Variants in GRM8 observed in about 807,000 individuals in gnomAD.
GRM8 encodes glutamate metabotropic receptor 8.
GRM8 carries 47 observed loss-of-function variants against 87.2 expected under a neutral mutation model. That is an observed-to-expected ratio of 0.54 (90% confidence interval 0.43 to 0.69). GRM8 has a LOEUF of 0.69. GRM8 is among the 30% of genes least tolerant of loss of function. GRM8 has a pLI of 0.00. For synonymous variants in GRM8, 396 were observed against 404.5 expected (o/e 0.98, Z 0.25); for missense variants, 1,019 against 1,139.2 (o/e 0.89, Z 1.52).
intron 9 of GRM8, among the ~76,000 whole-genome samples, chr7:126,466,571 T>C (rs558570048): frequency 6.6e-6 from 1 of 151,846 alleles, no homozygotes; most frequent in South Asian, 2.1e-4. Context: ...GGCTGGGGAA[T>C]CAGAAAAGCC....
intron 8 of GRM8, among the ~76,000 whole-genome samples, chr7:126,562,879 A>G (rs867725499): frequency 2.0e-5 from 3 of 152,246 alleles, no homozygotes; most frequent in Non-Finnish European, 4.4e-5. Flanking sequence ...CCTGGGCAAC[A>G]AGAGCAAAAC....
At chr7:127,136,349 A>G (rs1035247692) in intron 2 of GRM8, among the ~76,000 whole-genome samples, 4 of 152,124 alleles carry the variant, frequency 2.6e-5, no homozygotes, top group Non-Finnish European at 4.4e-5. Context: ...CCTAATAGCC[A>G]GAAGCATCAC....
At position 126,447,706 on chromosome 7, in the gene GRM8, A is replaced by T. The variant is rs537350928; in HGVS notation, c.2431-1334T>A. ...TTTCCTAGAGGAGAAGGTTTCTCTT[A>T]ACAGATGGCAAAACCTTGCGGTAAA... is the stretch of plus-strand genomic sequence containing the variant. On this transcript the variant is annotated intron_variant, in intron 9 of 10. Transcript: ENST00000339582. Among the ~76,000 whole-genome samples the T allele has an allele frequency of 1.8e-4, 27 of 152,108 alleles. No individual in the cohort carries two copies. In the South Asian group the frequency reaches 5.2e-3, roughly 29 times the overall value.
intron 7 of GRM8, among the ~76,000 whole-genome samples, chr7:126,613,468 G>A (rs571348211): frequency 6.6e-6 from 1 of 152,324 alleles, no homozygotes; most frequent in Non-Finnish European, 1.5e-5. Flanking sequence ...GAAGACGGGT[G>A]ATTTCTGCAT....
intron 9 of GRM8, among the ~76,000 whole-genome samples, chr7:126,467,851 C>T (rs558541622): frequency 1.3e-5 from 2 of 151,838 alleles, no homozygotes; most frequent in African/African-American, 2.4e-5. Flanking sequence ...AGAATGAGGT[C>T]AATATATTTG....
At chr7:126,463,003 C>T (rs556738612) in intron 9 of GRM8, among the ~76,000 whole-genome samples, 3 of 151,640 alleles carry the variant, frequency 2.0e-5, no homozygotes, top group South Asian at 4.2e-4. Flanking sequence ...GGCCAGTCAT[C>T]GACTGTTCTG....
intron 2 of GRM8, among the ~76,000 whole-genome samples, chr7:127,115,976 G>C (rs1826675547): frequency 6.6e-6 from 1 of 152,098 alleles, no homozygotes; most frequent in Non-Finnish European, 1.5e-5. Flanking sequence ...AAATTTGCCA[G>C]GCATGGTGGT....
chr7:126,757,071 A>C (rs1159899439), intron 7 of GRM8, among the ~76,000 whole-genome samples: 3 of 152,178 alleles, frequency 2.0e-5, no homozygotes, highest in African/African-American at 7.2e-5. Context: ...TTTAAAAATT[A>C]AATATTGAAT....
chr7:126,909,751 A>G (rs572288928), intron 3 of GRM8, among the ~76,000 whole-genome samples: 12 of 152,258 alleles, frequency 7.9e-5, no homozygotes, highest in Admixed American at 4.6e-4. Flanking sequence ...CATTTACTCA[A>G]TGACACCATC....
intron 3 of GRM8, among the ~76,000 whole-genome samples, chr7:126,945,729 A>G (rs558285100): frequency 6.6e-6 from 1 of 152,380 alleles, no homozygotes; most frequent in South Asian, 2.1e-4. Context: ...GATAAGGGAT[A>G]TACAACCTAT....
At chr7:126,994,358 G>T (rs1471890113) in intron 3 of GRM8, among the ~76,000 whole-genome samples, 1 of 152,204 alleles carries the variant, frequency 6.6e-6, no homozygotes, top group Non-Finnish European at 1.5e-5. Flanking sequence ...TATACCACTG[G>T]CCTTGGGTAA....
At chr7:127,230,075 G>A (rs139481882) in intron 2 of GRM8, among the ~76,000 whole-genome samples, 2 of 152,166 alleles carry the variant, frequency 1.3e-5, no homozygotes, top group African/African-American at 2.4e-5. Context: ...GAAAGGGTTG[G>A]GGGGAGGGAT....
chr7:127,221,788 T>C (rs949497184), intron 2 of GRM8, among the ~76,000 whole-genome samples: 8 of 152,216 alleles, frequency 5.3e-5, no homozygotes, highest in Admixed American at 5.2e-4. Flanking sequence ...ACAATCTTTA[T>C]CCAGAGCCCA....
chr7:127,194,100 G>A (rs535169114), intron 2 of GRM8, among the ~76,000 whole-genome samples: 1 of 152,268 alleles, frequency 6.6e-6, no homozygotes, highest in East Asian at 1.9e-4. Flanking sequence ...CAAAGATGTA[G>A]CTTCCCCTCA....
intron 3 of GRM8, among the ~76,000 whole-genome samples, chr7:127,045,781 T>C (rs1210996949): frequency 4.6e-5 from 7 of 152,228 alleles, no homozygotes; most frequent in East Asian, 1.9e-4. Flanking sequence ...CCCCATGTCA[T>C]GTACTGAAGC....
At chr7:126,845,387 C>T (rs1796624450) in intron 6 of GRM8, among the ~76,000 whole-genome samples, 2 of 152,148 alleles carry the variant, frequency 1.3e-5, no homozygotes, top group African/African-American at 4.8e-5. Context: ...TTCCATCTTC[C>T]CTTTCAATGC....
At chr7:127,206,325 T>C (rs1254351871) in intron 2 of GRM8, among the ~76,000 whole-genome samples, 1 of 152,166 alleles carries the variant, frequency 6.6e-6, no homozygotes, top group African/African-American at 2.4e-5. Flanking sequence ...AGCCGGAGTA[T>C]ATTAATCCAT....
intron 3 of GRM8, among the ~76,000 whole-genome samples, chr7:126,972,385 C>T (rs1810516920): frequency 6.6e-6 from 1 of 152,196 alleles, no homozygotes; most frequent in Admixed American, 6.5e-5. Flanking sequence ...ATCATATTCA[C>T]CAGGCATCTC....
intron 7 of GRM8, among the ~76,000 whole-genome samples, chr7:126,743,062 T>C (rs1483915634): frequency 1.3e-5 from 2 of 152,134 alleles, no homozygotes; most frequent in African/African-American, 4.8e-5. Context: ...AGCCCAAAGC[T>C]CACCTCAATC....
Sources: gnomAD v4.1 joint callset for allele counts (sites outside exome capture counted in the v4.1 genomes callset) on GRCh38, gnomAD v4.1.1 for gene constraint, MANE v1.5 for transcripts, NCBI Gene and HGNC (gene_info 2026-07-23, HGNC 2026-07-21) for gene names.